Variants in GPHN observed in about 807,000 individuals in gnomAD.
GPHN encodes the protein gephyrin.
GPHN carries 17 observed loss-of-function variants against 95.5 expected under a neutral mutation model. The observed-to-expected ratio is 0.18, with a 90% CI of 0.12 to 0.27. The LOEUF (loss-of-function observed/expected upper bound fraction) is 0.27. GPHN is among the 10% of genes least tolerant of loss of function. The pLI is 1.00. For missense variants in GPHN, 660 were observed against 978.1 expected, an observed-to-expected ratio of 0.67 and a Z score of 4.34; for synonymous variants, 320 against 322.5, an observed-to-expected ratio of 0.99 and a Z score of 0.08.
At chr14:67,191,883 A>G in the GPHN span, among the ~76,000 whole-genome samples, 6 of 152,358 alleles carry the variant, frequency 3.9e-5, no homozygotes, top group South Asian at 1.0e-3. Flanking sequence ...ACTTTGTCAA[A>G]TGAAAACTAT....
the GPHN span, among the ~76,000 whole-genome samples, chr14:67,393,613 C>G: frequency 6.6e-6 from 1 of 152,084 alleles, no homozygotes; most frequent in South Asian, 2.1e-4. Context: ...GCCACCACAC[C>G]TGGCTAATTT....
intron 1 of GPHN, among the ~76,000 whole-genome samples, chr14:66,576,373 A>G (rs539392538): frequency 3.4e-4 from 51 of 152,066 alleles, no homozygotes; most frequent in Non-Finnish European, 6.3e-4. Context: ...CAAGAGGGAA[A>G]GAGTATGGCA....
chr14:67,434,431 C>G, the GPHN span, among the ~76,000 whole-genome samples: 1 of 152,152 alleles, frequency 6.6e-6, no homozygotes, highest in East Asian at 1.9e-4. Flanking sequence ...ATAGAAAAAA[C>G]AGAAACTAAC....
At chr14:67,500,803 A>C in the GPHN span, among the ~76,000 whole-genome samples, 10 of 151,748 alleles carry the variant, frequency 6.6e-5, no homozygotes, top group Middle Eastern at 3.4e-3. Context: ...GATCTCCTGA[A>C]CTTGTGATCC....
chr14:66,833,664 T>TAA (rs11394709), intron 4 of GPHN, among the ~76,000 whole-genome samples: 3,016 of 142,666 alleles, frequency 0.021, 42 homozygotes, highest in Non-Finnish European at 0.029. Context: ...ATGCCCTGGT[T>TAA]AAAAAAAAAA....
chr14:67,692,713 G>C, the GPHN span: 9 of 1,210,962 alleles, frequency 7.4e-6, no homozygotes, highest in East Asian at 2.4e-5. Flanking sequence ...CTTCACAACA[G>C]AGGTATCTGA....
At chr14:67,298,017 T>C in the GPHN span, among the ~76,000 whole-genome samples, 1 of 152,268 alleles carries the variant, frequency 6.6e-6, no homozygotes, top group African/African-American at 2.4e-5. Flanking sequence ...CAGCATGGTT[T>C]GTGCAGGGAA....
intron 8 of GPHN, among the ~76,000 whole-genome samples, chr14:66,929,804 C>T (rs28879175): frequency 0.017 from 2,550 of 152,022 alleles, 74 homozygotes; most frequent in African/African-American, 0.058. Flanking sequence ...CTCTGCCTCC[C>T]GGGTTCACGC....
chr14:67,110,553 C>G (rs1195262323), intron 14 of GPHN, among the ~76,000 whole-genome samples: 1 of 152,048 alleles, frequency 6.6e-6, no homozygotes, highest in South Asian at 2.1e-4. Context: ...AAAGAAAGTA[C>G]CTCAAGAAAG....
At chr14:66,866,914 A>C (rs973770999) in intron 4 of GPHN, among the ~76,000 whole-genome samples, 2 of 152,174 alleles carry the variant, frequency 1.3e-5, no homozygotes, top group East Asian at 3.9e-4. Flanking sequence ...TGCTCACTGC[A>C]AAGTATATGT....
At chr14:66,947,074 A>G (rs1295357348) in intron 8 of GPHN, among the ~76,000 whole-genome samples, 1 of 152,188 alleles carries the variant, frequency 6.6e-6, no homozygotes. Context: ...AAACTCCTTG[A>G]CATGTTCTGC....
intron 11 of GPHN, among the ~76,000 whole-genome samples, chr14:67,063,709 C>T (rs921137616): frequency 6.6e-6 from 1 of 152,080 alleles, no homozygotes; most frequent in African/African-American, 2.4e-5. Context: ...AATGGGAGTT[C>T]ACTCGTGATT....
chr14:66,938,204 C>G (rs2153570897), intron 8 of GPHN, among the ~76,000 whole-genome samples: 1 of 152,210 alleles, frequency 6.6e-6, no homozygotes, highest in South Asian at 2.1e-4. Flanking sequence ...TTGCAAATAA[C>G]TATACTGTCA....
At chr14:67,638,969 A>C in the GPHN span, among the ~76,000 whole-genome samples, 1 of 152,200 alleles carries the variant, frequency 6.6e-6, no homozygotes, top group Non-Finnish European at 1.5e-5. Context: ...CATCGGAGTA[A>C]ATGGAGTTGG....
the GPHN span, among the ~76,000 whole-genome samples, chr14:67,304,857 G>A: frequency 6.6e-6 from 1 of 152,130 alleles, no homozygotes; most frequent in Non-Finnish European, 1.5e-5. Flanking sequence ...TTGATGTATT[G>A]CATCTGTTAT....
At chr14:66,984,473 T>A (rs920419574) in intron 9 of GPHN, among the ~76,000 whole-genome samples, 2 of 152,212 alleles carry the variant, frequency 1.3e-5, no homozygotes, top group Admixed American at 1.3e-4. Context: ...CTTGTTTATA[T>A]CCAGTAGAGC....
At chr14:67,281,544 T>C in the GPHN span, among the ~76,000 whole-genome samples, 2 of 152,098 alleles carry the variant, frequency 1.3e-5, no homozygotes, top group Admixed American at 1.3e-4. Context: ...TCTGAAAATA[T>C]TTTATTGGAG....
chr14:66,938,715 C>G (rs981518734), intron 8 of GPHN, among the ~76,000 whole-genome samples: 9 of 152,184 alleles, frequency 5.9e-5, no homozygotes, highest in African/African-American at 2.2e-4. Flanking sequence ...CACACAAACT[C>G]TGGCCTATAG....
chr14:66,911,153 G>T (rs1312875231), intron 5 of GPHN, among the ~76,000 whole-genome samples: 1 of 151,896 alleles, frequency 6.6e-6, no homozygotes, highest in African/African-American at 2.4e-5. Flanking sequence ...TTAAGTAAAA[G>T]AAGCAAGTCA....
Sources: allele counts gnomAD v4.1 joint callset (sites outside exome capture counted in the v4.1 genomes callset), GRCh38; gene constraint gnomAD v4.1.1; transcripts MANE v1.5; gene names NCBI Gene and HGNC (gene_info 2026-07-23, HGNC 2026-07-21).